NOS1: variants seen among roughly 807,000 people sequenced by gnomAD.
NOS1 encodes the protein NOS type I.
NOS1 carries 51 observed loss-of-function variants against 164.5 expected under a neutral mutation model. The observed-to-expected ratio is 0.31, with a 90% CI of 0.25 to 0.39. The LOEUF is 0.39. NOS1 is among the 10% of genes least tolerant of loss of function. The probability of loss-of-function intolerance (pLI) is 1.00; values close to 1 mark genes in which losing one functional copy is unlikely to be tolerated. For missense variants in NOS1, 1,362 were observed against 1,885.6 expected (o/e 0.72, Z 5.14); for synonymous variants, 719 against 745.8 (o/e 0.96, Z 0.59).
chr12:117,229,372 TCTTC>T (rs1868987961), intron 22 of NOS1, among the ~76,000 whole-genome samples: 1 of 152,190 alleles, frequency 6.6e-6, no homozygotes, highest in African/African-American at 2.4e-5. Context: ...ATCCAACCTT[TCTTC>T]CTTTTCCTTT....
chr12:117,305,726 C>G (rs761087058), intron 3 of NOS1, among the ~76,000 whole-genome samples: 9 of 151,542 alleles, frequency 5.9e-5, no homozygotes, highest in Non-Finnish European at 1.2e-4. Flanking sequence ...AGCTCTATTT[C>G]TGAGAGGCAT....
At chr12:117,307,584 C>A (rs1426851151) in intron 3 of NOS1, among the ~76,000 whole-genome samples, 1 of 152,074 alleles carries the variant, frequency 6.6e-6, no homozygotes, top group African/African-American at 2.4e-5. Context: ...CCAGGCTGGT[C>A]TTAAATTCCT....
intron 3 of NOS1, 65 bp from the exon 4 acceptor site, chr12:117,290,491 C>T: frequency 3.3e-6 from 5 of 1,537,984 alleles, no homozygotes; most frequent in Non-Finnish European, 4.4e-6. Context: ...ATTGTCTCCA[C>T]AGAGGCTGGG....
chr12:117,259,106 T>C lies in NOS1; in HGVS notation c.2392A>G (p.Ile798Val). Residue 798 changes from isoleucine (I) to valine (V), a missense_variant, in exon 15 of 29, where the codon ATT becomes GTT. Physicochemically the swap from Ile to Val is conservative, Grantham distance 29. Around this residue, in one of 4 missense-constraint regions of NOS1, gnomAD observed 737 missense variants for 1,030.3 expected, o/e 0.72. Coordinates refer to ENST00000317775, the MANE Select transcript of NOS1 (RefSeq NM_000620.5). ...AKVMSMEEYD[I>V]VHLEHETLVL... ...AGAGTTTCATGTTCCAGGTGCACAA[T>C]GTCATATTCTTCCATGGACATCACC... 2 of 1,613,868 alleles carry C rather than the reference T, an allele frequency of 1.2e-6. No homozygotes were observed. Among genetic ancestry groups the C allele is most frequent in the Non-Finnish European group, 1.7e-6 (2 of 1,179,884 alleles).
At chr12:117,231,690 G>T (rs948758052) in intron 22 of NOS1, among the ~76,000 whole-genome samples, 1 of 152,200 alleles carries the variant, frequency 6.6e-6, no homozygotes, top group South Asian at 2.1e-4. Context: ...GAAGCTCAAG[G>T]TTCCAGAAGA....
chr12:117,283,408 G>A, intron 7 of NOS1, among the ~76,000 whole-genome samples: 1 of 152,012 alleles, frequency 6.6e-6, no homozygotes, highest in East Asian at 1.9e-4. Flanking sequence ...CAGACATGAG[G>A]GTTAAAAACT....
At chr12:117,267,099 T>C (rs1413084524) in intron 11 of NOS1, among the ~76,000 whole-genome samples, 2 of 152,198 alleles carry the variant, frequency 1.3e-5, no homozygotes. Flanking sequence ...AACACATTCA[T>C]TCTGCTGGCT....
intron 17 of NOS1, among the ~76,000 whole-genome samples, chr12:117,249,837 T>G (rs1365545966): frequency 6.6e-6 from 1 of 152,146 alleles, no homozygotes; most frequent in African/African-American, 2.4e-5. Context: ...CTTCAGACAC[T>G]TTCTGCTACA....
At chr12:117,282,102 G>A (rs1873722846) in intron 7 of NOS1, among the ~76,000 whole-genome samples, 1 of 152,024 alleles carries the variant, frequency 6.6e-6, no homozygotes, top group South Asian at 2.1e-4. Context: ...GTCTGCTGAA[G>A]GTCCTAGCTG....
chr12:117,258,541 G>T, intron 15 of NOS1, 86 bp from the exon 16 acceptor site: 2 of 1,379,162 alleles, frequency 1.5e-6, no homozygotes, highest in Non-Finnish European at 2.0e-6. Flanking sequence ...GGTCCTGGCT[G>T]TCAAAGAGGA....
At chr12:117,226,826 C>T in intron 23 of NOS1, 56 bp from the exon 24 acceptor site, 14 of 1,360,770 alleles carry the variant, frequency 1.0e-5, no homozygotes, top group Non-Finnish European at 1.5e-5. Flanking sequence ...CACGGCCTCC[C>T]CTCCTCCCTC....
At chr12:117,232,697 G>C (rs1869346158) in intron 21 of NOS1, among the ~76,000 whole-genome samples, 1 of 152,238 alleles carries the variant, frequency 6.6e-6, no homozygotes, top group East Asian at 1.9e-4. Context: ...AAGTCAGGCA[G>C]TGTGGCTTCA....
chr12:117,303,190 C>A (rs577509232), intron 3 of NOS1, among the ~76,000 whole-genome samples: 1 of 152,150 alleles, frequency 6.6e-6, no homozygotes, highest in Non-Finnish European at 1.5e-5. Context: ...GGGCTGGCTA[C>A]ACCCTTTTGG....
At chr12:117,263,420 C>T (rs902041668) in intron 13 of NOS1, among the ~76,000 whole-genome samples, 1 of 151,738 alleles carries the variant, frequency 6.6e-6, no homozygotes, top group African/African-American at 2.4e-5. Context: ...TCGCTTGAGG[C>T]CAGGTGTTCG....
chr12:117,231,146 C>T (rs9658496), intron 22 of NOS1, among the ~76,000 whole-genome samples: 3 of 151,750 alleles, frequency 2.0e-5, no homozygotes, highest in Non-Finnish European at 4.4e-5. Context: ...TCCATCTCTA[C>T]TAAAGAAAAA....
At chr12:117,313,806 C>A (rs147422550) in intron 2 of NOS1, among the ~76,000 whole-genome samples, 33 of 152,328 alleles carry the variant, frequency 2.2e-4, no homozygotes, top group African/African-American at 6.7e-4. Context: ...TACTTCCCAA[C>A]AGCCTTTCTC....
In NOS1 at chr12:117,330,302, A is replaced by ACG. The variant is rs1429478783; in HGVS notation, c.725+42_725+43insCG. The ACG allele has an allele frequency of 1.1e-6, 1 of 907,040 alleles. No individual in the cohort carries two copies. The highest frequency in any genetic ancestry group is 1.6e-6 in the Non-Finnish European group (1 of 639,290). 56.2% of individuals were successfully genotyped at this position (907,040 alleles called of 1,614,324 possible). A position where few individuals can be genotyped will look rare whatever the true frequency, so the allele number is the denominator to read the frequency against. On this transcript the variant is annotated intron_variant, in intron 2 of 28. Coordinates refer to ENST00000317775, the MANE Select transcript of NOS1 (RefSeq NM_000620.5). The surrounding 1 kb of genome is among the most constrained non-coding windows in gnomAD (Gnocchi z 4.6). ...CGCACATGCACACACACAAGCATGC[A>ACG]CACACACACACACACACACACACAC...
At chr12:117,222,350 G>T (rs542374930) in intron 26 of NOS1, among the ~76,000 whole-genome samples, 1 of 152,078 alleles carries the variant, frequency 6.6e-6, no homozygotes, top group Admixed American at 6.6e-5. Flanking sequence ...CTGCCTCCTG[G>T]GTTCAAGTGA....
intron 18 of NOS1, among the ~76,000 whole-genome samples, chr12:117,245,340 T>C (rs1385887525): frequency 6.6e-6 from 1 of 152,120 alleles, no homozygotes; most frequent in Non-Finnish European, 1.5e-5. Context: ...CAGAAGGCCA[T>C]GCATGGTTCA....
Sources: allele counts gnomAD v4.1 joint callset (sites outside exome capture counted in the v4.1 genomes callset), GRCh38; gene constraint gnomAD v4.1.1; regional missense constraint gnomAD v4.1.1; non-coding constraint Gnocchi (gnomAD v3.1); transcripts MANE v1.5; gene names NCBI Gene and HGNC (gene_info 2026-07-23, HGNC 2026-07-21).